The following AIG1 variants were observed in gnomAD, a reference collection of about 807,000 sequenced individuals.
The protein encoded by AIG1 is androgen induced 1, also known as androgen-induced gene 1 protein.
Under a neutral mutation model 31.4 loss-of-function variants are expected in AIG1, and 23 were observed. The observed-to-expected ratio is 0.73, with a 90% CI of 0.53 to 1.04. AIG1 has a LOEUF of 1.04. AIG1 is among the 50% of genes least tolerant of loss of function. The pLI, the probability that AIG1 is intolerant of heterozygous loss-of-function variation, is 0.00. For synonymous variants in AIG1, 100 were observed against 110.5 expected (o/e 0.90, Z 0.60); for missense variants, 274 against 295.0 (o/e 0.93, Z 0.52).
intron 2 of AIG1, among the ~76,000 whole-genome samples, chr6:143,155,507 G>A (rs1417817906): frequency 6.6e-6 from 1 of 152,022 alleles, no homozygotes; most frequent in African/African-American, 2.4e-5. Flanking sequence ...AGAGCCTTTG[G>A]CAGCTTAGAG....
At chr6:143,179,715 G>A (rs149335349) in intron 3 of AIG1, among the ~76,000 whole-genome samples, 143 of 152,202 alleles carry the variant, frequency 9.4e-4, no homozygotes, top group African/African-American at 3.1e-3. Flanking sequence ...TGAGTAAATC[G>A]ATGAATTAGA....
chr6:143,214,834 C>T (rs1791890876), intron 3 of AIG1, among the ~76,000 whole-genome samples: 2 of 152,180 alleles, frequency 1.3e-5, no homozygotes, highest in Non-Finnish European at 2.9e-5. Flanking sequence ...ACCTGCTGCT[C>T]CCTCATATTG....
rs1798130233 is a variant in AIG1 at position 143,292,620 on chromosome 6, T to C, written c.515+8395T>C. On this transcript the variant is annotated intron_variant, in intron 4 of 5. Transcript: ENST00000357847. This position sits in a 1 kb window ranked among gnomAD's most constrained non-coding sequence, Gnocchi z 4.9. ...GTTATACTTCTAACCTGTAGAATTC[T>C]CCGATGAATATGTGTTGTTTTAAGC... 6.6e-6 allele frequency among the ~76,000 whole-genome samples: 1 copy of C among 152,344 alleles called. No homozygotes were observed. Among genetic ancestry groups the C allele is most frequent in the South Asian group, 2.1e-4 (1 of 4,828 alleles).
chr6:143,185,754 A>G (rs17072283), intron 3 of AIG1, among the ~76,000 whole-genome samples: 3,412 of 152,256 alleles, frequency 0.022, 105 homozygotes, highest in African/African-American at 0.068. Flanking sequence ...ATAGGTCTCA[A>G]AAATGTTCTT....
chr6:143,204,410 T>C (rs1421261465), intron 3 of AIG1, among the ~76,000 whole-genome samples: 5 of 152,134 alleles, frequency 3.3e-5, no homozygotes. Context: ...TGGCAGCTTG[T>C]AGTTCCCAGA....
At chr6:143,310,773 G>A (rs1775203693) in intron 4 of AIG1, among the ~76,000 whole-genome samples, 1 of 151,562 alleles carries the variant, frequency 6.6e-6, no homozygotes, top group Admixed American at 6.6e-5. Flanking sequence ...TCCCACTACT[G>A]AGCCTATGGA....
rs78928896 is a variant in AIG1 at position 143,215,776 on chromosome 6, C to A, written c.399+50593C>A. Among the ~76,000 whole-genome samples the A allele has an allele frequency of 8.4e-3, 1,275 of 152,250 alleles. 28 individuals carry two copies. The highest frequency in any genetic ancestry group is 0.029 in the African/African-American group (1,211 of 41,512). ...TAATCCTGTAGTCCCAGCCTCTAGA[C>A]TTCTTTACATAAGAGAGTAATGAAT... On this transcript the variant is annotated intron_variant, in intron 3 of 5. Coordinates refer to ENST00000357847, the MANE Select transcript of AIG1 (RefSeq NM_016108.4).
Position 143,327,403 on chromosome 6 carries a change from C to A in AIG1, c.516-5879C>A, listed in dbSNP as rs1279117910. 3 of 336,346 alleles carry A rather than the reference C, an allele frequency of 8.9e-6. No individual in the cohort carries two copies. The highest frequency in any genetic ancestry group is 2.9e-5 in the South Asian group (1 of 34,546). 20.8% of individuals were successfully genotyped at this position (336,346 alleles called of 1,614,324 possible). ...ATGGAGTGGGCTTCAAGAAGTCTGC[C>A]CCTTGGGCACTCAAAGAGATCTGGA... On this transcript the variant is annotated intron_variant, in intron 4 of 5. Coordinates refer to ENST00000357847, the MANE Select transcript of AIG1 (RefSeq NM_016108.4). The surrounding 1 kb of genome is among the most constrained non-coding windows in gnomAD (Gnocchi z 5.3).
chr6:143,101,085 A>AT (rs888954488), intron 1 of AIG1, among the ~76,000 whole-genome samples: 4 of 151,952 alleles, frequency 2.6e-5, no homozygotes, highest in Non-Finnish European at 5.9e-5. Context: ...TTTTCATATA[A>AT]TTTTTTTTGC....
At chr6:143,207,741 T>A (rs1163967860) in intron 3 of AIG1, among the ~76,000 whole-genome samples, 2 of 152,174 alleles carry the variant, frequency 1.3e-5, no homozygotes, top group Non-Finnish European at 2.9e-5. Context: ...TCAATGAGTT[T>A]GTGCTGGTCC....
At chr6:143,130,221 G>A (rs936838395) in intron 1 of AIG1, among the ~76,000 whole-genome samples, 7 of 151,866 alleles carry the variant, frequency 4.6e-5, no homozygotes, top group South Asian at 2.1e-4. Flanking sequence ...GAGCCACCGC[G>A]CCCTGCTGAT....
intron 4 of AIG1, among the ~76,000 whole-genome samples, chr6:143,306,362 A>G (rs1166880108): frequency 6.6e-6 from 1 of 152,076 alleles, no homozygotes; most frequent in Non-Finnish European, 1.5e-5. Context: ...AGTGGCTGGT[A>G]CTGGTTGTTC....
intron 4 of AIG1, among the ~76,000 whole-genome samples, chr6:143,312,778 G>A (rs973099509): frequency 1.3e-5 from 2 of 151,680 alleles, no homozygotes; most frequent in Non-Finnish European, 2.9e-5. Context: ...ATAACCCACA[G>A]ATTGGGAAAA....
chr6:143,338,315 C>G lies in AIG1; in HGVS notation c.680-1324C>G, dbSNP rs559785884. On this transcript the variant is annotated intron_variant, in intron 5 of 5. Transcript: ENST00000357847. This position sits in a 1 kb window ranked among gnomAD's most constrained non-coding sequence, Gnocchi z 4.3. ...ACCTGTTCCTCCTCCCGTCAGATGT[C>G]CTTACTCCTCAATTTGAAGTTTTCC... 3.4e-6 allele frequency: 1 copy of G among 290,668 alleles called. No individual in the cohort carries two copies. The highest frequency in any genetic ancestry group is 6.3e-6 in the Non-Finnish European group (1 of 158,314). 18.0% of individuals were successfully genotyped at this position (290,668 alleles called of 1,614,324 possible). A position where few individuals can be genotyped will look rare whatever the true frequency, so the allele number is the denominator to read the frequency against.
chr6:143,305,115 C>G (rs1226557061), intron 4 of AIG1, among the ~76,000 whole-genome samples: 1 of 152,112 alleles, frequency 6.6e-6, no homozygotes, highest in Non-Finnish European at 1.5e-5. Context: ...ATTCTTCTCT[C>G]TTTTCTTCTT....
At chr6:143,148,548 A>G (rs566921092) in intron 2 of AIG1, among the ~76,000 whole-genome samples, 1 of 151,734 alleles carries the variant, frequency 6.6e-6, no homozygotes, top group South Asian at 2.1e-4. Context: ...ATTAGGGGCC[A>G]GATGTGGTGG....
At chr6:143,213,795 G>A (rs1212182663) in intron 3 of AIG1, among the ~76,000 whole-genome samples, 1 of 152,008 alleles carries the variant, frequency 6.6e-6, no homozygotes, top group East Asian at 1.9e-4. Context: ...GGGATTACAG[G>A]GGTGAGCCAC....
rs542688188 is a variant in AIG1 at position 143,307,916 on chromosome 6, G to C, written c.515+23691G>C. Among the ~76,000 whole-genome samples, 1,072 of 152,334 alleles carry C rather than the reference G, an allele frequency of 7.0e-3. 15 individuals carry two copies. The highest frequency in any genetic ancestry group is 0.025 in the African/African-American group (1,037 of 41,572). ...TAAGCAAGCCTGGGCAATGGCGGGC[G>C]CCCCTCCCCCAGCCTCGCTGCCGCC... On this transcript the variant is annotated intron_variant, in intron 4 of 5. Coordinates refer to ENST00000357847, the MANE Select transcript of AIG1 (RefSeq NM_016108.4).
downstream of AIG1, chr6:143,342,229 T>G: frequency 3.0e-6 from 2 of 677,018 alleles, no homozygotes; most frequent in South Asian, 1.5e-5. Flanking sequence ...GTCCTAAAAT[T>G]TTCTTGTAGT....
Sources: gnomAD v4.1 joint callset for allele counts (sites outside exome capture counted in the v4.1 genomes callset) on GRCh38, gnomAD v4.1.1 for gene constraint, Gnocchi (gnomAD v3.1) non-coding constraint, MANE v1.5 for transcripts, NCBI Gene and HGNC (gene_info 2026-07-23, HGNC 2026-07-21) for gene names.